Variants in HPCAL1 observed in about 807,000 individuals in gnomAD.
The protein encoded by HPCAL1 is hippocalcin like 1.
HPCAL1 carries 8 observed loss-of-function variants against 17.1 expected under a neutral mutation model. The ratio of observed to expected loss-of-function variants is 0.47; its 90% CI spans 0.27 to 0.84. The LOEUF is 0.84. Among genes scored for constraint, HPCAL1 ranks in the 40% least tolerant of loss-of-function variants. HPCAL1 has a pLI of 0.13. For missense variants in HPCAL1, 165 were observed against 271.1 expected (o/e 0.61, Z 2.75); for synonymous variants, 112 against 111.4 (o/e 1.01, Z -0.03).
At chr2:10,345,588 C>A (rs1258419856) in intron 1 of HPCAL1, among the ~76,000 whole-genome samples, 1 of 151,880 alleles carries the variant, frequency 6.6e-6, no homozygotes, top group Non-Finnish European at 1.5e-5. Context: ...TCCCAAGAAG[C>A]TGGGACTACA....
rs1363034809 is a variant in HPCAL1 at position 10,344,975 on chromosome 2, CTT to C, written c.-111+41802_-111+41803del. ...TCTCTCTATGTGTCCATCTCTCTCT[CTT>C]TTTCTGTGTGTCTCTCTCTCTGTGC... On this transcript the variant is annotated intron_variant, in intron 1 of 4. Transcript: ENST00000307845. This position sits in a 1 kb window ranked among gnomAD's most constrained non-coding sequence, Gnocchi z 4.9. 2.0e-5 allele frequency among the ~76,000 whole-genome samples: 3 copies of C among 151,738 alleles called. No homozygotes were observed. Among genetic ancestry groups the C allele is most frequent in the Admixed American group, 1.3e-4 (2 of 15,246 alleles).
intron 2 of HPCAL1, among the ~76,000 whole-genome samples, chr2:10,406,813 C>T (rs936569924): frequency 1.3e-5 from 2 of 152,252 alleles, no homozygotes; most frequent in African/African-American, 2.4e-5. Context: ...TCTATGGTCT[C>T]ATTTTGGTCC....
In HPCAL1 at chr2:10,384,385, A is replaced by T. The variant is rs10929658; in HGVS notation, c.-110-12450A>T. 2.6e-5 allele frequency among the ~76,000 whole-genome samples: 4 copies of T among 151,956 alleles called. No individual in the cohort carries two copies. The highest frequency in any genetic ancestry group is 4.8e-5 in the African/African-American group (2 of 41,344). On this transcript the variant is annotated intron_variant, in intron 1 of 4. Transcript: ENST00000307845. This position sits in a 1 kb window ranked among gnomAD's most constrained non-coding sequence, Gnocchi z 4.4. Reference sequence around the variant, plus strand: ...ATGTCTGGAGGGAAGGGTTTTGGGCACCCACCCTGGGGAGAGAGGAGAGCC... The same window carrying T: ...ATGTCTGGAGGGAAGGGTTTTGGGCTCCCACCCTGGGGAGAGAGGAGAGCC...
intron 1 of HPCAL1, among the ~76,000 whole-genome samples, chr2:10,374,789 C>T (rs1667445290): frequency 6.6e-6 from 1 of 152,214 alleles, no homozygotes; most frequent in Non-Finnish European, 1.5e-5. Context: ...CAGCCGTGGC[C>T]CTGCCTGTAA....
At chr2:10,387,523 C>T (rs1376439157) in intron 1 of HPCAL1, among the ~76,000 whole-genome samples, 4 of 152,250 alleles carry the variant, frequency 2.6e-5, no homozygotes, top group Non-Finnish European at 5.9e-5. Context: ...AGTGTGGCCC[C>T]ATGCTGGTAA....
intron 1 of HPCAL1, among the ~76,000 whole-genome samples, chr2:10,339,214 A>ATGATC (rs1034305070): frequency 1.3e-5 from 2 of 152,040 alleles, no homozygotes; most frequent in African/African-American, 4.8e-5. Context: ...GGGCAGTGGC[A>ATGATC]TGATCTCGGC....
chr2:10,343,899 G>T lies in HPCAL1; in HGVS notation c.-111+40722G>T, dbSNP rs1167329578. ...TGGCTGTGCGCTTCCCAAGCAAGCAGTTCTGGAGTGAGGCTTGGGCCTCCA... is the reference window on the plus strand; with the variant it reads ...TGGCTGTGCGCTTCCCAAGCAAGCATTTCTGGAGTGAGGCTTGGGCCTCCA... On this transcript the variant is annotated intron_variant, in intron 1 of 4. Transcript: ENST00000307845. The surrounding 1 kb of genome is among the most constrained non-coding windows in gnomAD (Gnocchi z 4.8). Among the ~76,000 whole-genome samples the T allele has an allele frequency of 3.3e-5, 5 of 152,198 alleles. No homozygotes were observed. The highest frequency in any genetic ancestry group is 1.5e-5 in the Non-Finnish European group (1 of 68,036).
intron 1 of HPCAL1, among the ~76,000 whole-genome samples, chr2:10,332,964 G>A (rs992675993): frequency 7.9e-5 from 12 of 151,650 alleles, no homozygotes; most frequent in Non-Finnish European, 1.6e-4. Flanking sequence ...TTGATCTTGG[G>A]GTGAGGGGTG....
chr2:10,403,961 T>G (rs1180831086), intron 2 of HPCAL1, among the ~76,000 whole-genome samples: 2 of 152,206 alleles, frequency 1.3e-5, no homozygotes, highest in African/African-American at 4.8e-5. Context: ...TTCCTTCTTC[T>G]GGCTGCCTCT....
At chr2:10,383,417 C>T (rs1219608069) in intron 1 of HPCAL1, among the ~76,000 whole-genome samples, 1 of 151,964 alleles carries the variant, frequency 6.6e-6, no homozygotes, top group Non-Finnish European at 1.5e-5. Context: ...GGCTGGAGTG[C>T]AGTGGCACGA....
At chr2:10,309,096 G>A (rs1662800330) in intron 1 of HPCAL1, among the ~76,000 whole-genome samples, 1 of 151,866 alleles carries the variant, frequency 6.6e-6, no homozygotes, top group Admixed American at 6.6e-5. Flanking sequence ...GTGCAGTGAT[G>A]TGATCCCAGC....
intron 1 of HPCAL1, among the ~76,000 whole-genome samples, chr2:10,308,873 A>G (rs1662783659): frequency 1.3e-5 from 2 of 152,214 alleles, no homozygotes. Flanking sequence ...CAAATGGCAA[A>G]TCAAAAACAA....
At chr2:10,402,047 G>A (rs1379665595) in intron 2 of HPCAL1, among the ~76,000 whole-genome samples, 1 of 152,074 alleles carries the variant, frequency 6.6e-6, no homozygotes. Flanking sequence ...TTACAGGCGC[G>A]CACCACCACG....
Position 10,419,906 on chromosome 2 carries a change from A to G in HPCAL1, c.149A>G (p.Lys50Arg). 1 of 1,613,912 alleles carries G rather than the reference A, an allele frequency of 6.2e-7. No homozygotes were observed. The highest frequency in any genetic ancestry group is 8.5e-7 in the Non-Finnish European group (1 of 1,180,016). The change falls in exon 3 of 5, where the codon AAG becomes AGG. Residue 50 changes from lysine (K) to arginine (R), a missense_variant. Coordinates refer to ENST00000307845, the MANE Select transcript of HPCAL1 (RefSeq NM_002149.4). The surrounding 1 kb of genome is among the most constrained non-coding windows in gnomAD (Gnocchi z 5.0). Reference protein sequence around the residue: ...TGHLTVDEFKKIYANFFPYGD... With the variant: ...TGHLTVDEFKRIYANFFPYGD... ...CACCTGACCGTGGACGAGTTCAAGA[A>G]GATCTACGCCAACTTCTTCCCCTAC...
intron 1 of HPCAL1, among the ~76,000 whole-genome samples, chr2:10,366,126 T>C (rs997848206): frequency 6.6e-6 from 1 of 152,240 alleles, no homozygotes; most frequent in Non-Finnish European, 1.5e-5. Context: ...GTGGCTGGCC[T>C]TGGAGAGCTG....
intron 4 of HPCAL1, chr2:10,424,345 T>C: frequency 2.7e-6 from 1 of 375,512 alleles, no homozygotes; most frequent in Non-Finnish European, 5.5e-6. Flanking sequence ...TGATGGGAAA[T>C]GTGTGTTCCA....
intron 4 of HPCAL1, chr2:10,425,017 A>G: frequency 5.3e-6 from 1 of 188,970 alleles, no homozygotes; most frequent in Non-Finnish European, 1.1e-5. Flanking sequence ...CCTGCCCTCC[A>G]TCAGGAGGAG....
In HPCAL1 at chr2:10,330,994, G is replaced by A. The variant is rs1183765210; in HGVS notation, c.-111+27817G>A. Reference sequence around the variant, plus strand: ...GCCTGTTGCTTGTGCCTCCTTTGCAGCCCCGGCCTCTCCAGTTCTCTGTGT... The same window carrying A: ...GCCTGTTGCTTGTGCCTCCTTTGCAACCCCGGCCTCTCCAGTTCTCTGTGT... On this transcript the variant is annotated intron_variant, in intron 1 of 4. Transcript: ENST00000307845. This position sits in a 1 kb window ranked among gnomAD's most constrained non-coding sequence, Gnocchi z 4.2. Among the ~76,000 whole-genome samples, 4 of 152,140 alleles carry A rather than the reference G, an allele frequency of 2.6e-5. No individual in the cohort carries two copies. The highest frequency in any genetic ancestry group is 5.9e-5 in the Non-Finnish European group (4 of 68,030).
chr2:10,404,200 G>A (rs1669826952), intron 2 of HPCAL1, among the ~76,000 whole-genome samples: 1 of 152,100 alleles, frequency 6.6e-6, no homozygotes, highest in African/African-American at 2.4e-5. Context: ...TACACACTTT[G>A]AAAACACCCC....
Sources: gnomAD v4.1 joint callset for allele counts (sites outside exome capture counted in the v4.1 genomes callset) on GRCh38, gnomAD v4.1.1 for gene constraint, Gnocchi (gnomAD v3.1) non-coding constraint, MANE v1.5 for transcripts, NCBI Gene and HGNC (gene_info 2026-07-23, HGNC 2026-07-21) for gene names.